Variants in PUDP observed in about 807,000 individuals in gnomAD.
PUDP encodes pseudouridine 5'-phosphatase, also known as pseudouridine-5'-phosphatase.
PUDP carries 8 observed loss-of-function variants against 9.4 expected under a neutral mutation model. The ratio of observed to expected loss-of-function variants is 0.85; its 90% CI spans 0.50 to 1.53. The LOEUF (loss-of-function observed/expected upper bound fraction) is 1.53, where lower values mean the gene tolerates loss of function less well. Ranked by LOEUF, PUDP falls within the 40% of genes most tolerant of loss-of-function variation. The pLI, the probability that PUDP is intolerant of heterozygous loss-of-function variation, is 0.00. For missense variants in PUDP, 188 were observed against 189.7 expected (o/e 0.99, Z 0.05); for synonymous variants, 99 against 80.7 (o/e 1.23, Z -1.22).
At chrX:7,068,003 G>A (rs912758472) in intron 3 of PUDP, among the ~76,000 whole-genome samples, 4 of 111,479 alleles carry the variant, frequency 3.6e-5, no homozygotes, top group Non-Finnish European at 1.9e-5. Context: ...CGCCATGATT[G>A]TGAGGCCTCC....
intron 3 of PUDP, among the ~76,000 whole-genome samples, chrX:6,836,751 T>C (rs868212746): frequency 9.0e-6 from 1 of 110,687 alleles, no homozygotes; most frequent in Non-Finnish European, 1.9e-5. Flanking sequence ...ACAAAGTTCC[T>C]TTTGTCGTGT....
At chrX:6,908,316 C>T (rs1225592958) in intron 3 of PUDP, among the ~76,000 whole-genome samples, 2 of 112,448 alleles carry the variant, frequency 1.8e-5, no homozygotes, top group African/African-American at 6.5e-5. Flanking sequence ...CTGGAGGAAA[C>T]AGTCGACAAG....
chrX:6,785,545 T>C (rs965672591), intron 3 of PUDP, among the ~76,000 whole-genome samples: 1 of 111,421 alleles, frequency 9.0e-6, no homozygotes, highest in African/African-American at 3.3e-5. Context: ...ATCTTACACA[T>C]ACTTTGCGCG....
At chrX:6,716,966 G>A (rs1236054024) in intron 1 of PUDP, among the ~76,000 whole-genome samples, 1 of 111,116 alleles carries the variant, frequency 9.0e-6, no homozygotes, top group Non-Finnish European at 1.9e-5. Flanking sequence ...ACAGGGTCTT[G>A]TCATGTTGCC....
intron 3 of PUDP, among the ~76,000 whole-genome samples, chrX:6,799,649 C>A (rs1288113115): frequency 9.0e-6 from 1 of 111,118 alleles, no homozygotes; most frequent in African/African-American, 3.3e-5. Context: ...ACCAGCCAGA[C>A]CAACATGGAG....
At chrX:7,065,181 A>G (rs1307061617) in intron 3 of PUDP, among the ~76,000 whole-genome samples, 2 of 111,667 alleles carry the variant, frequency 1.8e-5, no homozygotes, top group African/African-American at 6.5e-5. Context: ...ACAAAAAACA[A>G]AAAACAAACT....
intron 3 of PUDP, among the ~76,000 whole-genome samples, chrX:6,769,192 C>T (rs1407179226): frequency 1.8e-5 from 2 of 112,017 alleles, no homozygotes; most frequent in East Asian, 5.6e-4. Context: ...ATAAGCCACT[C>T]GAGGGGCTTT....
intron 2 of PUDP, among the ~76,000 whole-genome samples, chrX:7,104,905 GT>G (rs1169539166): frequency 9.0e-6 from 1 of 111,429 alleles, no homozygotes; most frequent in Non-Finnish European, 1.9e-5. Flanking sequence ...CATAACTGCT[GT>G]TTTTTTTCTC....
chrX:6,987,356 G>A (rs192788228), intron 1 of PUDP, among the ~76,000 whole-genome samples: 2 of 112,123 alleles, frequency 1.8e-5, no homozygotes, highest in East Asian at 5.6e-4. Flanking sequence ...AAGGAAACAC[G>A]ATAAGGAAAC....
chrX:6,755,881 A>G (rs989704749), intron 3 of PUDP, among the ~76,000 whole-genome samples: 18 of 111,201 alleles, frequency 1.6e-4, no homozygotes, highest in African/African-American at 5.6e-4. Context: ...AGGAACAAAA[A>G]AAAAAATAAT....
At chrX:7,042,495 A>G (rs1929935444) in intron 1 of PUDP, among the ~76,000 whole-genome samples, 1 of 112,054 alleles carries the variant, frequency 8.9e-6, no homozygotes, top group African/African-American at 3.2e-5. Flanking sequence ...AAGAAGTACT[A>G]GAAACACTGG....
intron 3 of PUDP, among the ~76,000 whole-genome samples, chrX:6,934,107 G>A (rs1278548267): frequency 3.3e-4 from 34 of 101,862 alleles, no homozygotes; most frequent in Admixed American, 1.4e-3. Flanking sequence ...GCAGGCCAAC[G>A]TTCAGATTCA....
At chrX:6,853,089 G>A (rs1926851025) in intron 3 of PUDP, among the ~76,000 whole-genome samples, 1 of 111,745 alleles carries the variant, frequency 8.9e-6, no homozygotes. Context: ...TTGCTCATGT[G>A]TCAGGGGACA....
At chrX:6,950,406 C>CTTTTTTT (rs768745445) in intron 3 of PUDP, among the ~76,000 whole-genome samples, 7 of 68,643 alleles carry the variant, frequency 1.0e-4, no homozygotes, top group East Asian at 4.9e-4. Flanking sequence ...TTAGTCATTT[C>CTTTTTTT]TTTTTTTTTT....
At chrX:7,048,407 G>A (rs1360185035), downstream of PUDP, among the ~76,000 whole-genome samples, 2 of 112,326 alleles carry the variant, frequency 1.8e-5, no homozygotes, top group Non-Finnish European at 3.8e-5. Context: ...AAATCCATGA[G>A]CTATTCAATG....
chrX:6,948,616 G>A (rs1282553448), intron 3 of PUDP, among the ~76,000 whole-genome samples: 4 of 111,936 alleles, frequency 3.6e-5, no homozygotes, highest in African/African-American at 1.3e-4. Context: ...ATTGGTCCCA[G>A]ACTGTGCCTG....
At chrX:6,707,722 C>T (rs909165692) in intron 1 of PUDP, among the ~76,000 whole-genome samples, 13 of 111,646 alleles carry the variant, frequency 1.2e-4, no homozygotes, top group Admixed American at 3.8e-4. Flanking sequence ...CTCACTAGCC[C>T]GCCACTCATC....
chrX:6,718,019 T>C (rs1349663336), intron 1 of PUDP, among the ~76,000 whole-genome samples: 1 of 111,978 alleles, frequency 8.9e-6, no homozygotes, highest in African/African-American at 3.2e-5. Flanking sequence ...CAAACGTCTT[T>C]TCATGTCTTC....
At chrX:6,717,356 G>A (rs7062697) in intron 1 of PUDP, among the ~76,000 whole-genome samples, 17,243 of 110,699 alleles carry the variant, frequency 0.16, 2,074 homozygotes, top group African/African-American at 0.41. Context: ...CTAGTGGCTG[G>A]CAGCTATGGG....
Sources: gnomAD v4.1 joint callset for allele counts (sites outside exome capture counted in the v4.1 genomes callset) on GRCh38, gnomAD v4.1.1 for gene constraint, MANE v1.5 for transcripts, NCBI Gene and HGNC (gene_info 2026-07-23, HGNC 2026-07-21) for gene names.